Variants in AOC3 observed in about 807,000 individuals in gnomAD.
AOC3 encodes the protein amine oxidase [copper-containing] 3.
In AOC3, 47 loss-of-function variants were observed where a neutral mutation model predicts 55.4. The observed-to-expected ratio is 0.85, with a 90% CI of 0.67 to 1.08. AOC3 has a LOEUF of 1.08. Among genes scored for constraint, AOC3 ranks in the 50% least tolerant of loss-of-function variants. AOC3 has a pLI of 0.00. For missense variants in AOC3, 853 were observed against 993.1 expected (o/e 0.86, Z 1.90); for synonymous variants, 386 against 410.7 (o/e 0.94, Z 0.73).
chr17:42,852,552 C>G lies in AOC3; in HGVS notation c.1209C>G (p.Asp403Glu). The G allele has an allele frequency of 6.2e-7, 1 of 1,614,212 alleles. No homozygotes were observed. The highest frequency in any genetic ancestry group is 1.6e-4 in the Middle Eastern group (1 of 6,062). Reference protein sequence around the residue: ...KYTTPLTRGVDCPYLATYVDW... With the variant: ...KYTTPLTRGVECPYLATYVDW... Reference sequence around the variant, plus strand: ...CCACGCCCCTGACCCGTGGGGTGGACTGCCCCTACTTGGCCACCTACGTGG... The same window carrying G: ...CCACGCCCCTGACCCGTGGGGTGGAGTGCCCCTACTTGGCCACCTACGTGG... The change falls in exon 1 of 4, where the codon GAC (aspartate) becomes GAG (glutamate). Residue 403 changes from aspartate to glutamate, a missense_variant. Coordinates refer to ENST00000308423, the MANE Select transcript of AOC3 (RefSeq NM_003734.4).
At position 42,855,477 on chromosome 17, in the gene AOC3, G is replaced by A; in HGVS notation, c.1920G>A (p.Glu640=). ...TGGCTGTGACCCAGCGGAAGGAGGA[G>A]GAGCCCAGTAGCAGCAGCGTTTTCA... The part of the protein sequence containing the change: ...YQLAVTQRKE[E]EPSSSSVFNQ... Residue 640 remains glutamate (E), a synonymous_variant, in exon 3 of 4, where the codon GAG becomes GAA. Transcript: ENST00000308423. 1 of 1,610,962 alleles carries A rather than the reference G, an allele frequency of 6.2e-7. No homozygotes were observed. Among genetic ancestry groups the A allele is most frequent in the Non-Finnish European group, 8.5e-7 (1 of 1,178,822 alleles).
chr17:42,853,452 G>T, intron 1 of AOC3: 1 of 965,136 alleles, frequency 1.0e-6, no homozygotes, highest in Non-Finnish European at 1.2e-6. Context: ...TCACCTAAGT[G>T]TGAGGGGTCA....
rs201082751 is a variant in AOC3 at position 42,851,878 on chromosome 17, A to G, written c.535A>G (p.Ile179Val). ...CGTGCTGTTCCAAGAGTACCTGGAC[A>G]TAGACCAGATGATCTTCAACAGAGA... The part of the protein sequence containing the change: ...RPVLFQEYLD[I>V]DQMIFNRELP... Residue 179 changes from isoleucine to valine, a missense_variant, in exon 1 of 4, where the codon ATA becomes GTA. Coordinates refer to ENST00000308423, the MANE Select transcript of AOC3 (RefSeq NM_003734.4). 2.1e-4 allele frequency: 341 copies of G among 1,613,742 alleles called. No individual in the cohort carries two copies. Among genetic ancestry groups the G allele is most frequent in the East Asian group, 1.3e-4 (6 of 44,872 alleles).
At chr17:42,853,252 G>A in intron 1 of AOC3, 1 of 1,156,428 alleles carries the variant, frequency 8.6e-7, no homozygotes, top group Non-Finnish European at 1.1e-6. Context: ...TACTTATATG[G>A]GCTCTGCTGC....
Position 42,856,313 on chromosome 17 carries a change from C to T in AOC3, c.2055C>T (p.Ile685=). The change falls in exon 4 of 4, where the codon ATC becomes ATT. Residue 685 remains isoleucine (I), a synonymous_variant. Coordinates refer to ENST00000308423, the MANE Select transcript of AOC3 (RefSeq NM_003734.4). ...VAWVTAGFLH[I]PHAEDIPNTV... Reference sequence around the variant, plus strand: ...GGGTGACAGCTGGTTTTCTGCATATCCCACATGCAGAGGACATTCCTAACA... The same window carrying T: ...GGGTGACAGCTGGTTTTCTGCATATTCCACATGCAGAGGACATTCCTAACA... The T allele has an allele frequency of 1.9e-6, 3 of 1,614,130 alleles. No homozygotes were observed. Among genetic ancestry groups the T allele is most frequent in the Non-Finnish European group, 2.5e-6 (3 of 1,179,980 alleles).
chr17:42,855,543 C>T lies in AOC3; in HGVS notation c.1986C>T (p.Asp662=). ...GGGCCCCCACTGTGGATTTCAGTGA[C>T]TTCATCAACAATGAGACCATTGCTG... is the stretch of plus-strand genomic sequence containing the variant. The part of the protein sequence containing the change: ...DPWAPTVDFS[D]FINNETIAGK... The change falls in exon 3 of 4, where the codon GAC becomes GAT. Residue 662 remains aspartate (D), a synonymous_variant. Transcript: ENST00000308423. The T allele has an allele frequency of 1.2e-6, 2 of 1,614,164 alleles. No homozygotes were observed. Among genetic ancestry groups the T allele is most frequent in the Middle Eastern group, 3.3e-4 (2 of 6,062 alleles).
In AOC3 at chr17:42,856,277, T is replaced by C. The variant is rs35249432; in HGVS notation, c.2019T>C (p.Asp673=). The C allele has an allele frequency of 7.8e-5, 126 of 1,612,014 alleles. No homozygotes were observed. The highest frequency in any genetic ancestry group is 4.4e-4 in the African/African-American group (33 of 75,010). The change falls in exon 4 of 4, where the codon GAT becomes GAC. Residue 673 remains aspartate (D), a splice_region_variant and synonymous_variant. Coordinates refer to ENST00000308423, the MANE Select transcript of AOC3 (RefSeq NM_003734.4). ...FINNETIAGK[D]LVAWVTAGFL... is the part of the protein sequence containing the mutation. ...TCCTCTTTCTTCTCCCCTGCTAGGATTTGGTGGCCTGGGTGACAGCTGGTT... is the reference window on the plus strand; with the variant it reads ...TCCTCTTTCTTCTCCCCTGCTAGGACTTGGTGGCCTGGGTGACAGCTGGTT...
At position 42,856,269 on chromosome 17, in the gene AOC3, T is replaced by G. The variant is rs376740282; in HGVS notation, c.2017-6T>G. 1 of 1,613,550 alleles carries G rather than the reference T, an allele frequency of 6.2e-7. No individual in the cohort carries two copies. The highest frequency in any genetic ancestry group is 1.1e-5 in the South Asian group (1 of 91,056). ...CCTCGTGATCCTCTTTCTTCTCCCC[T>G]GCTAGGATTTGGTGGCCTGGGTGAC... On this transcript the variant is annotated splice_polypyrimidine_tract_variant and splice_region_variant and intron_variant, in intron 3 of 3. Coordinates refer to ENST00000308423, the MANE Select transcript of AOC3 (RefSeq NM_003734.4).
rs2144310006 is a variant in AOC3, at chr17:42,856,664, T to C, written c.*114T>C. The stretch of plus-strand genomic sequence containing the variant: ...TTCCCTCTTTCCTGTGCCAGGACTC[T>C]CTTTCTTCCACTACCCTCCCTCGCA... On this transcript the variant is annotated 3_prime_UTR_variant, in exon 4 of 4. Transcript: ENST00000308423. 2 of 1,284,568 alleles carry C rather than the reference T, an allele frequency of 1.6e-6. No individual in the cohort carries two copies. Among genetic ancestry groups the C allele is most frequent in the Middle Eastern group, 5.6e-4 (2 of 3,582 alleles). The allele number at this position is 1,284,568 out of a possible 1,614,324, so 79.6% of individuals were successfully genotyped here.
At position 42,854,650 on chromosome 17, in the gene AOC3, G is replaced by T. The variant is rs1474399688; in HGVS notation, c.1803G>T (p.Arg601=). ...SNHSNKWGHP[R]GYRIQMLSFA... ...ACAGCAACAAGTGGGGTCACCCCCG[G>T]GGCTACCGCATCCAGATGCTCAGCT... Residue 601 remains arginine, a synonymous_variant, in exon 2 of 4, where the codon CGG becomes CGT. Transcript: ENST00000308423. 1.9e-6 allele frequency: 3 copies of T among 1,552,906 alleles called. No homozygotes were observed. The highest frequency in any genetic ancestry group is 2.6e-6 in the Non-Finnish European group (3 of 1,144,882).
In AOC3 at chr17:42,851,255, C is replaced by T. The variant is rs1015371623; in HGVS notation, c.-89C>T. 55 of 1,434,550 alleles carry T rather than the reference C, an allele frequency of 3.8e-5. No individual in the cohort carries two copies. Among genetic ancestry groups the T allele is most frequent in the Non-Finnish European group, 4.9e-5 (52 of 1,059,614 alleles). 88.9% of individuals were successfully genotyped at this position (1,434,550 alleles called of 1,614,324 possible). On this transcript the variant is annotated 5_prime_UTR_variant, in exon 1 of 4. Transcript: ENST00000308423. The stretch of plus-strand genomic sequence containing the variant: ...GCCAGAGTCCGGGAGCCCCCCACCC[C>T]GTCCAGGAGCCAACAGAGCCCCCGT...
In AOC3 at chr17:42,852,126, C is replaced by G; in HGVS notation, c.783C>G (p.Ile261Met). 1 of 1,613,950 alleles carries G rather than the reference C, an allele frequency of 6.2e-7. No individual in the cohort carries two copies. The highest frequency in any genetic ancestry group is 8.5e-7 in the Non-Finnish European group (1 of 1,179,868). The change falls in exon 1 of 4, where the codon ATC becomes ATG. Residue 261 changes from isoleucine to methionine, a missense_variant. Ile to Met is a conservative substitution (Grantham distance 10, BLOSUM62 1). Transcript: ENST00000308423. ...HKALDPARWT[I>M]QKVFYQGRYY... ...CCCTTGACCCTGCCCGCTGGACTAT[C>G]CAGAAGGTGTTCTATCAAGGCCGCT...
Position 42,852,007 on chromosome 17 carries a change from G to T in AOC3, c.664G>T (p.Asp222Tyr), listed in dbSNP as rs746847482. 3.1e-6 allele frequency: 5 copies of T among 1,613,734 alleles called. No individual in the cohort carries two copies. In the African/African-American group the frequency reaches 6.7e-5, roughly 22 times the overall value. ...TTAPRGLQSG[D>Y]RATWFGLYYN... ...GGCTCCCCGTGGTCTGCAATCAGGG[G>T]ACCGGGCCACCTGGTTTGGCCTCTA... is the stretch of plus-strand genomic sequence containing the variant. Residue 222 changes from aspartate to tyrosine, a missense_variant, in exon 1 of 4, where the codon GAC becomes TAC. Physicochemically the swap from Asp to Tyr is radical, Grantham distance 160 (BLOSUM62 -3). Transcript: ENST00000308423.
intron 1 of AOC3, chr17:42,853,376 C>T: frequency 3.0e-6 from 3 of 1,001,632 alleles, no homozygotes; most frequent in Non-Finnish European, 3.6e-6. Context: ...TCAGTCATTC[C>T]AGGTTGTACA....
In AOC3 at chr17:42,857,214, A is replaced by G. The variant is rs149816088; in HGVS notation, c.*664A>G. 3.9e-5 allele frequency: 6 copies of G among 152,670 alleles called. No homozygotes were observed. The highest frequency in any genetic ancestry group is 3.8e-4 in the East Asian group (2 of 5,274). 9.5% of individuals were successfully genotyped at this position (152,670 alleles called of 1,614,324 possible). The stretch of plus-strand genomic sequence containing the variant: ...ACGGGACCCCTAATCAGAGTGGCCA[A>G]TCCCTGTGTGTCGTTCCCTTGTGTC... On this transcript the variant is annotated 3_prime_UTR_variant, in exon 4 of 4. Transcript: ENST00000308423.
At position 42,854,581 on chromosome 17, in the gene AOC3, C is replaced by T. The variant is rs770166481; in HGVS notation, c.1734C>T (p.Leu578=). ...AGATGGAGGAGCAGGCCGCCTTCCT[C>T]GTGGGAAGCGCCACCCCTCGCTACC... ...LLEMEEQAAF[L]VGSATPRYLY... Residue 578 remains leucine (L), a synonymous_variant, in exon 2 of 4, where the codon CTC becomes CTT. Transcript: ENST00000308423. 8.1e-6 allele frequency: 13 copies of T among 1,609,780 alleles called. No individual in the cohort carries two copies. The highest frequency in any genetic ancestry group is 2.7e-5 in the African/African-American group (2 of 74,774).
rs1446545949 is a variant in AOC3 at position 42,855,439 on chromosome 17, C to T, written c.1887-5C>T. ...GCCATGGAGGCCTGACCAGTGCCTC[C>T]CTAGGTACCAGCTGGCTGTGACCCA... is the stretch of plus-strand genomic sequence containing the variant. On this transcript the variant is annotated splice_polypyrimidine_tract_variant and splice_region_variant and intron_variant, in intron 2 of 3. Transcript: ENST00000308423. 12 of 1,600,584 alleles carry T rather than the reference C, an allele frequency of 7.5e-6. No homozygotes were observed. Among genetic ancestry groups the T allele is most frequent in the Non-Finnish European group, 9.4e-6 (11 of 1,173,878 alleles).
chr17:42,854,761 G>T lies in AOC3; in HGVS notation c.1886+28G>T, dbSNP rs578126662. ...GAGTGGCGGGCAGTCAGAGAGGAGG[G>T]GGGCAGTGAGAGTGGGAAAGGAGTG... On this transcript the variant is annotated intron_variant, in intron 2 of 3. Transcript: ENST00000308423. 4 of 1,456,058 alleles carry T rather than the reference G, an allele frequency of 2.7e-6. No homozygotes were observed. The South Asian group carries it at 5.9e-5, about 22-fold the overall frequency. 90.2% of individuals were successfully genotyped at this position (1,456,058 alleles called of 1,614,324 possible). A position where few individuals can be genotyped will look rare whatever the true frequency, so the allele number is the denominator to read the frequency against.
In AOC3 at chr17:42,851,632, T is replaced by G; in HGVS notation, c.289T>G (p.Phe97Val). Residue 97 changes from phenylalanine (F) to valine (V), a missense_variant, in exon 1 of 4, where the codon TTC (phenylalanine) becomes GTC (valine). Coordinates refer to ENST00000308423, the MANE Select transcript of AOC3 (RefSeq NM_003734.4). ...AQARPSDNCV[F>V]SVELQLPPKA... ...GGCCCGGCCCTCGGACAACTGTGTC[T>G]TCTCAGTGGAGTTGCAGCTGCCTCC... The G allele has an allele frequency of 6.2e-7, 1 of 1,613,240 alleles. No individual in the cohort carries two copies.
Sources: allele counts gnomAD v4.1 joint callset, GRCh38; gene constraint gnomAD v4.1.1; transcripts MANE v1.5; gene names NCBI Gene and HGNC (gene_info 2026-07-23, HGNC 2026-07-21).